Variants in CTNNA3 observed in about 807,000 individuals in gnomAD.
CTNNA3 encodes catenin alpha-3.
In CTNNA3, 76 loss-of-function variants were observed where a neutral mutation model predicts 95.7. The observed-to-expected ratio is 0.79, with a 90% CI of 0.66 to 0.96. The LOEUF is 0.96. Among genes scored for constraint, CTNNA3 ranks in the 40% least tolerant of loss-of-function variants. CTNNA3 has a pLI of 0.00. For synonymous variants in CTNNA3, 431 were observed against 374.4 expected, an observed-to-expected ratio of 1.15 and a Z score of -1.74; for missense variants, 1,191 against 1,089.8, an observed-to-expected ratio of 1.09 and a Z score of -1.31.
chr10:66,425,362 T>A (rs2093230738), intron 11 of CTNNA3, among the ~76,000 whole-genome samples: 1 of 151,964 alleles, frequency 6.6e-6, no homozygotes, highest in Non-Finnish European at 1.5e-5. Context: ...TGATCTTGTT[T>A]TAGTGTTCTG....
intron 11 of CTNNA3, among the ~76,000 whole-genome samples, chr10:66,495,774 G>T (rs1249686079): frequency 6.6e-6 from 1 of 152,076 alleles, no homozygotes; most frequent in Admixed American, 6.5e-5. Context: ...TCCTGCCTCA[G>T]CCTCCTGAGT....
At chr10:67,489,513 C>T (rs968439087) in intron 5 of CTNNA3, among the ~76,000 whole-genome samples, 5 of 152,010 alleles carry the variant, frequency 3.3e-5, no homozygotes, top group Non-Finnish European at 5.9e-5. Context: ...AACATTTAAG[C>T]GTGGAAAGAG....
At chr10:67,143,425 T>TAAAAAAAAAAAAAGAAAAAAAAA (rs1860687549) in intron 7 of CTNNA3, among the ~76,000 whole-genome samples, 1 of 76,006 alleles carries the variant, frequency 1.3e-5, no homozygotes, top group Non-Finnish European at 2.6e-5. Context: ...GGCTCTGTCT[T>TAAAAAAAAAAAAAGAAAAAAAAA]AAAAAAAAAA....
At chr10:66,795,669 C>A (rs867168647) in intron 7 of CTNNA3, among the ~76,000 whole-genome samples, 5 of 152,120 alleles carry the variant, frequency 3.3e-5, no homozygotes, top group Admixed American at 2.6e-4. Context: ...ATTGACTACT[C>A]CTCTTTAGCT....
intron 13 of CTNNA3, among the ~76,000 whole-genome samples, chr10:66,264,458 G>T (rs373937774): frequency 1.3e-5 from 2 of 151,930 alleles, no homozygotes; most frequent in East Asian, 3.8e-4. Context: ...TAACTTGCTA[G>T]TAGTCATATT....
At chr10:66,164,735 AAT>A (rs1333416604) in intron 13 of CTNNA3, among the ~76,000 whole-genome samples, 2 of 152,212 alleles carry the variant, frequency 1.3e-5, no homozygotes, top group African/African-American at 4.8e-5. Flanking sequence ...TTTATTCTAG[AAT>A]AGTGATTTTA....
At chr10:67,664,823 C>T (rs1840289827) in intron 1 of CTNNA3, among the ~76,000 whole-genome samples, 1 of 152,108 alleles carries the variant, frequency 6.6e-6, no homozygotes, top group South Asian at 2.1e-4. Context: ...TATGCTCTAC[C>T]GTATTGAATA....
At chr10:66,899,722 C>T (rs1035229511) in intron 7 of CTNNA3, among the ~76,000 whole-genome samples, 6 of 152,258 alleles carry the variant, frequency 3.9e-5, no homozygotes, top group South Asian at 4.1e-4. Context: ...TCAGCAGGTA[C>T]CACGCCCATA....
At chr10:66,865,199 G>GT (rs1564732283) in intron 7 of CTNNA3, among the ~76,000 whole-genome samples, 10 of 138,258 alleles carry the variant, frequency 7.2e-5, no homozygotes, top group Non-Finnish European at 1.1e-4. Flanking sequence ...ACAGGCATGG[G>GT]GTGTGTGTGT....
chr10:67,370,936 G>A (rs1228058235), intron 5 of CTNNA3, among the ~76,000 whole-genome samples: 3 of 146,356 alleles, frequency 2.0e-5, no homozygotes, highest in Non-Finnish European at 4.5e-5. Context: ...GCGGGATCTC[G>A]GCTCACTGCA....
intron 11 of CTNNA3, among the ~76,000 whole-genome samples, chr10:66,442,725 G>A (rs546208398): frequency 1.4e-4 from 22 of 152,254 alleles, no homozygotes; most frequent in Admixed American, 7.2e-4. Flanking sequence ...AGCTCCCAGC[G>A]TGAGTGACGC....
At chr10:66,600,562 A>G (rs1843884101) in intron 10 of CTNNA3, among the ~76,000 whole-genome samples, 2 of 151,858 alleles carry the variant, frequency 1.3e-5, no homozygotes, top group African/African-American at 4.8e-5. Flanking sequence ...TGTTAAGTAA[A>G]TAAGGATGTT....
intron 10 of CTNNA3, among the ~76,000 whole-genome samples, chr10:66,570,283 TG>T (rs1842830488): frequency 7.1e-6 from 1 of 140,306 alleles, no homozygotes; most frequent in South Asian, 2.2e-4. Context: ...TGATTTGTTT[TG>T]TTTTGTTTTG....
intron 12 of CTNNA3, among the ~76,000 whole-genome samples, chr10:66,333,247 T>C (rs1311857455): frequency 2.6e-5 from 4 of 152,098 alleles, no homozygotes; most frequent in Admixed American, 1.3e-4. Context: ...GCTCTGATCT[T>C]AGTTATTTCT....
chr10:67,599,256 A>G (rs1450511047), intron 3 of CTNNA3, among the ~76,000 whole-genome samples: 1 of 152,208 alleles, frequency 6.6e-6, no homozygotes, highest in Non-Finnish European at 1.5e-5. Flanking sequence ...AAATAAAAGA[A>G]TCCGAAACAT....
At chr10:66,198,984 T>A (rs576018413) in intron 13 of CTNNA3, among the ~76,000 whole-genome samples, 2 of 152,344 alleles carry the variant, frequency 1.3e-5, no homozygotes, top group African/African-American at 4.8e-5. Flanking sequence ...GGAATAAGTG[T>A]GAGTAGCCAG....
At chr10:67,365,721 AAAC>A (rs1423313373) in intron 5 of CTNNA3, among the ~76,000 whole-genome samples, 4 of 152,334 alleles carry the variant, frequency 2.6e-5, no homozygotes, top group Non-Finnish European at 5.9e-5. Context: ...AAAAGTCAGG[AAAC>A]AACAGATGCT....
intron 7 of CTNNA3, among the ~76,000 whole-genome samples, chr10:67,089,385 A>C (rs1429065056): frequency 6.6e-6 from 1 of 152,158 alleles, no homozygotes; most frequent in East Asian, 1.9e-4. Flanking sequence ...CTTAAAAAAT[A>C]ATTTACTAGT....
At chr10:67,513,474 C>T (rs897968469) in intron 5 of CTNNA3, among the ~76,000 whole-genome samples, 2 of 152,136 alleles carry the variant, frequency 1.3e-5, no homozygotes, top group African/African-American at 4.8e-5. Flanking sequence ...GAAGACTGCA[C>T]CCACATCTTT....
Sources: allele counts gnomAD v4.1 joint callset (sites outside exome capture counted in the v4.1 genomes callset), GRCh38; gene constraint gnomAD v4.1.1; transcripts MANE v1.5; gene names NCBI Gene and HGNC (gene_info 2026-07-23, HGNC 2026-07-21).